PIN4: variants seen among roughly 807,000 people sequenced by gnomAD.
PIN4 encodes the protein peptidyl-prolyl cis-trans isomerase NIMA-interacting 4.
Under a neutral mutation model 8.3 loss-of-function variants are expected in PIN4, and 3 were observed. That is an observed-to-expected ratio of 0.36 (90% CI 0.16 to 0.93). The LOEUF is 0.93. Ranked by LOEUF, PIN4 falls within the 40% of genes least tolerant of loss-of-function variation. The probability of loss-of-function intolerance (pLI) is 0.44; values close to 1 mark genes in which losing one functional copy is unlikely to be tolerated. For missense variants in PIN4, 75 were observed against 100.6 expected (o/e 0.75, Z 1.09); for synonymous variants, 18 against 32.5 (o/e 0.55, Z 1.52).
At chrX:72,224,907 C>G (rs955179641) in intron 3 of PIN4, among the ~76,000 whole-genome samples, 3 of 111,336 alleles carry the variant, frequency 2.7e-5, no homozygotes, top group Non-Finnish European at 5.7e-5. Context: ...CACCTCAACC[C>G]TAATGGATTA....
chrX:72,257,880 T>C (rs1397836684), intron 3 of PIN4, among the ~76,000 whole-genome samples: 1 of 111,950 alleles, frequency 8.9e-6, no homozygotes, highest in Non-Finnish European at 1.9e-5. Flanking sequence ...GTTCCACGGC[T>C]GGCACAGACT....
At chrX:72,195,020 C>A (rs2042757129) in intron 2 of PIN4, among the ~76,000 whole-genome samples, 1 of 111,645 alleles carries the variant, frequency 9.0e-6, no homozygotes, top group Admixed American at 9.5e-5. Flanking sequence ...TGTAGCTGGC[C>A]ATACCATCTA....
At chrX:72,189,222 A>G (rs954653121) in intron 2 of PIN4, among the ~76,000 whole-genome samples, 8 of 111,644 alleles carry the variant, frequency 7.2e-5, no homozygotes, top group Middle Eastern at 9.3e-3. Context: ...GTTTCTCCCA[A>G]TGGTAACACC....
At chrX:72,243,173 G>A (rs2043055683) in intron 3 of PIN4, among the ~76,000 whole-genome samples, 1 of 109,661 alleles carries the variant, frequency 9.1e-6, no homozygotes, top group South Asian at 3.9e-4. Flanking sequence ...AAATTAGCCG[G>A]CCATGATGGT....
rs146276967 is a variant in PIN4, at chrX:72,224,702, G to A, written c.312+27798G>A. ...GGAGGTTGCAGCAAGCCAAGATCACGCCATTGTACTCCAGCCTGGGCAACA... is the reference window on the plus strand; with the variant it reads ...GGAGGTTGCAGCAAGCCAAGATCACACCATTGTACTCCAGCCTGGGCAACA... On this transcript the variant is annotated intron_variant, in intron 3 of 3. Transcript: ENST00000423432. 3.6e-3 allele frequency among the ~76,000 whole-genome samples: 405 copies of A among 111,346 alleles called. 2 individuals are homozygous for A. Among genetic ancestry groups the A allele is most frequent in the African/African-American group, 0.013 (384 of 30,553 alleles).
intron 3 of PIN4, among the ~76,000 whole-genome samples, chrX:72,249,138 T>C (rs2043078035): frequency 8.9e-6 from 1 of 111,758 alleles, no homozygotes; most frequent in African/African-American, 3.3e-5. Context: ...CACCCAAAAA[T>C]ATGAGCAAAA....
At chrX:72,250,747 T>G (rs2043083407) in intron 3 of PIN4, among the ~76,000 whole-genome samples, 2 of 99,926 alleles carry the variant, frequency 2.0e-5, no homozygotes, top group African/African-American at 7.3e-5. Flanking sequence ...TTTTTTTTTT[T>G]TTTTTTTTTT....
chrX:72,221,263 T>G (rs1283152646), intron 3 of PIN4, among the ~76,000 whole-genome samples: 1 of 111,923 alleles, frequency 8.9e-6, no homozygotes, highest in Non-Finnish European at 1.9e-5. Flanking sequence ...CATTGGACAC[T>G]AATCCAGCCA....
At chrX:72,209,338 C>T (rs891916787) in intron 3 of PIN4, among the ~76,000 whole-genome samples, 4 of 112,049 alleles carry the variant, frequency 3.6e-5, no homozygotes, top group Non-Finnish European at 5.6e-5. Flanking sequence ...ACTCTAGACC[C>T]ATATTCCAGC....
intron 3 of PIN4, among the ~76,000 whole-genome samples, chrX:72,260,470 A>T (rs60897715): frequency 0.073 from 8,141 of 110,986 alleles, 490 homozygotes; most frequent in East Asian, 0.48. Flanking sequence ...GCCCTTGCCT[A>T]TCTTACTTGG....
chrX:72,205,677 G>A (rs145632661), intron 3 of PIN4: 7 of 1,209,984 alleles, frequency 5.8e-6, no homozygotes, highest in Middle Eastern at 2.3e-4. Context: ...CTTCATCTTC[G>A]CCATCTGAAA....
In PIN4 at chrX:72,238,954, GC is replaced by G. The variant is rs1171415765; in HGVS notation, c.313-23752del. On this transcript the variant is annotated intron_variant, in intron 3 of 3. Coordinates refer to the PIN4 transcript ENST00000423432. ...CCAGTTACCCCGGCGGGAGTTTGGA[GC>G]TTGGAGCTTGGAGCTTGGAGCTTGG... The G allele has an allele frequency of 2.1e-5, 20 of 963,447 alleles. No homozygotes were observed. In the African/African-American group the frequency reaches 2.5e-4, roughly 12 times the overall value. 79.4% of individuals were successfully genotyped at this position (963,447 alleles called of 1,213,427 possible).
At chrX:72,204,964 A>T in intron 3 of PIN4, 39 of 966,326 alleles carry the variant, frequency 4.0e-5, no homozygotes, top group Non-Finnish European at 5.1e-5. Context: ...GGGAACAAAA[A>T]TTCCCTCATA....
At chrX:72,262,837 G>A in exon 4 of PIN4, 1 of 748,624 alleles carries the variant, frequency 1.3e-6, no homozygotes, top group Non-Finnish European at 2.0e-6. Flanking sequence ...TCTATTCAAT[G>A]TTGATTCTAT....
intron 1 of PIN4, among the ~76,000 whole-genome samples, chrX:72,185,251 A>AG (rs2042697007): frequency 9.2e-6 from 1 of 108,746 alleles, no homozygotes; most frequent in South Asian, 3.9e-4. Context: ...CCTGACCCTC[A>AG]GCTACCTCCC....
intron 3 of PIN4, among the ~76,000 whole-genome samples, chrX:72,231,398 G>T (rs1206523617): frequency 9.0e-6 from 1 of 111,376 alleles, no homozygotes; most frequent in Non-Finnish European, 1.9e-5. Context: ...GTTACCAGAG[G>T]CTGGGGGGAT....
chrX:72,248,709 T>G (rs1343317531), intron 3 of PIN4, among the ~76,000 whole-genome samples: 2 of 111,310 alleles, frequency 1.8e-5, no homozygotes, highest in African/African-American at 6.5e-5. Context: ...AAACCCTGTC[T>G]CTACTAAAAA....
At chrX:72,230,984 A>G (rs1480903816) in intron 3 of PIN4, among the ~76,000 whole-genome samples, 2 of 111,865 alleles carry the variant, frequency 1.8e-5, no homozygotes, top group African/African-American at 3.2e-5. Context: ...AAATACATAC[A>G]TAAGTATGGC....
At chrX:72,188,501 G>A (rs1221119578) in intron 2 of PIN4, among the ~76,000 whole-genome samples, 3 of 110,706 alleles carry the variant, frequency 2.7e-5, no homozygotes, top group Non-Finnish European at 5.7e-5. Flanking sequence ...GGGATCACAG[G>A]TGCCCGCCAC....
Sources: gnomAD v4.1 joint callset for allele counts (sites outside exome capture counted in the v4.1 genomes callset) on GRCh38, gnomAD v4.1.1 for gene constraint, MANE v1.5 for transcripts, NCBI Gene and HGNC (gene_info 2026-07-23, HGNC 2026-07-21) for gene names.